The following HS6ST3 variants were observed in gnomAD, a reference collection of about 807,000 sequenced individuals.
The protein encoded by HS6ST3 is heparan sulfate 6-O-sulfotransferase 3.
HS6ST3 carries 12 observed loss-of-function variants against 36.7 expected under a neutral mutation model. The ratio of observed to expected loss-of-function variants is 0.33; its 90% CI spans 0.21 to 0.53. HS6ST3 has a LOEUF of 0.53. Ranked by LOEUF, HS6ST3 falls within the 20% of genes least tolerant of loss-of-function variation. The pLI is 0.95. For missense variants in HS6ST3, 584 were observed against 640.9 expected (o/e 0.91, Z 0.96); for synonymous variants, 240 against 257.5 (o/e 0.93, Z 0.65).
chr13:96,430,291 C>A (rs2139474049), intron 1 of HS6ST3, among the ~76,000 whole-genome samples: 1 of 152,316 alleles, frequency 6.6e-6, no homozygotes, highest in East Asian at 1.9e-4. Flanking sequence ...TTGGGGAATA[C>A]AAATGATGTC....
intron 1 of HS6ST3, among the ~76,000 whole-genome samples, chr13:96,707,732 A>G (rs1244861155): frequency 6.6e-6 from 1 of 152,186 alleles, no homozygotes; most frequent in Non-Finnish European, 1.5e-5. Flanking sequence ...CAGCTCATAT[A>G]AAGATGCCCT....
At chr13:96,799,540 C>T (rs1463531693) in intron 1 of HS6ST3, among the ~76,000 whole-genome samples, 1 of 150,724 alleles carries the variant, frequency 6.6e-6, no homozygotes, top group South Asian at 2.1e-4. Flanking sequence ...AACAAAAAAC[C>T]AAACACCGCA....
At chr13:96,799,714 T>A (rs1379677303) in intron 1 of HS6ST3, among the ~76,000 whole-genome samples, 1 of 150,926 alleles carries the variant, frequency 6.6e-6, no homozygotes, top group African/African-American at 2.4e-5. Context: ...CGCACCAGCA[T>A]GGCACATGTA....
intron 1 of HS6ST3, among the ~76,000 whole-genome samples, chr13:96,343,139 C>G (rs1234704819): frequency 6.6e-6 from 1 of 152,120 alleles, no homozygotes; most frequent in African/African-American, 2.4e-5. Flanking sequence ...CTTTTTCTGC[C>G]AGAGCACTTG....
chr13:96,188,879 A>G (rs1046670500), intron 1 of HS6ST3, among the ~76,000 whole-genome samples: 1 of 152,212 alleles, frequency 6.6e-6, no homozygotes, highest in Non-Finnish European at 1.5e-5. Flanking sequence ...ATGCTGGTAT[A>G]CAAGCTTTTT....
At chr13:96,195,888 G>A (rs1291146129) in intron 1 of HS6ST3, among the ~76,000 whole-genome samples, 1 of 152,094 alleles carries the variant, frequency 6.6e-6, no homozygotes, top group Non-Finnish European at 1.5e-5. Context: ...AGCACCCAGA[G>A]CATCTTGAAC....
intron 1 of HS6ST3, among the ~76,000 whole-genome samples, chr13:96,440,507 A>AGGAAAGGAAGGGAAAGGAAAGGAAG (rs139479560): frequency 6.9e-6 from 1 of 144,234 alleles, no homozygotes; most frequent in Non-Finnish European, 1.5e-5. Flanking sequence ...AGGAAAGGAA[A>AGGAAAGGAAGGGAAAGGAAAGGAAG]GGAAAGGAAA....
chr13:96,425,057 A>C (rs2055579806), intron 1 of HS6ST3, among the ~76,000 whole-genome samples: 1 of 152,194 alleles, frequency 6.6e-6, no homozygotes, highest in African/African-American at 2.4e-5. Flanking sequence ...GAGAGGGGTA[A>C]GTATGACTAC....
intron 1 of HS6ST3, among the ~76,000 whole-genome samples, chr13:96,337,750 TCC>T (rs1402594337): frequency 6.6e-6 from 1 of 152,112 alleles, no homozygotes; most frequent in Admixed American, 6.5e-5. Flanking sequence ...ATAATTTCTC[TCC>T]CTCTATTTTC....
intron 1 of HS6ST3, among the ~76,000 whole-genome samples, chr13:96,136,537 A>G (rs1346589554): frequency 6.6e-6 from 1 of 152,108 alleles, no homozygotes; most frequent in Non-Finnish European, 1.5e-5. Flanking sequence ...GTGTTAAACC[A>G]TTTATGAGAA....
chr13:96,614,545 T>A (rs1427727333), intron 1 of HS6ST3, among the ~76,000 whole-genome samples: 2 of 152,056 alleles, frequency 1.3e-5, no homozygotes, highest in Non-Finnish European at 2.9e-5. Context: ...AAAGCATAAA[T>A]AATAGAAGCA....
chr13:96,145,568 AGTAGGTTG>A (rs1262312768), intron 1 of HS6ST3, among the ~76,000 whole-genome samples: 3 of 151,926 alleles, frequency 2.0e-5, no homozygotes, highest in African/African-American at 7.3e-5. Context: ...TTGTCAGATG[AGTAGGTTG>A]CAAAAATTTT....
chr13:96,662,515 GGTGTGTGTGT>G lies in HS6ST3; in HGVS notation c.708-169952_708-169943del, dbSNP rs144795600. Among the ~76,000 whole-genome samples, 8 of 147,864 alleles carry G rather than the reference GGTGTGTGTGT, an allele frequency of 5.4e-5. 1 individual carries two copies. Among genetic ancestry groups the G allele is most frequent in the South Asian group, 2.2e-4 (1 of 4,628 alleles). ...ATCATGTTTGTGTGTGTGTGTATGGGGTGTGTGTGTGTGTGTGTGTGTGTGTGTGTGTTGG... is the reference window on the plus strand; with the variant it reads ...ATCATGTTTGTGTGTGTGTGTATGGGGTGTGTGTGTGTGTGTGTGTGTTGG... On this transcript the variant is annotated intron_variant, in intron 1 of 1. Transcript: ENST00000376705.
At chr13:96,396,569 C>T (rs987679787) in intron 1 of HS6ST3, among the ~76,000 whole-genome samples, 1 of 152,062 alleles carries the variant, frequency 6.6e-6, no homozygotes, top group Admixed American at 6.6e-5. Flanking sequence ...TTCACTTGGG[C>T]TATGTGGTAT....
intron 1 of HS6ST3, among the ~76,000 whole-genome samples, chr13:96,482,738 G>T (rs1275911883): frequency 6.6e-6 from 1 of 152,122 alleles, no homozygotes; most frequent in Non-Finnish European, 1.5e-5. Flanking sequence ...TCTACGGAAG[G>T]GTGCAAAACT....
chr13:96,688,463 G>C (rs1874850126), intron 1 of HS6ST3, among the ~76,000 whole-genome samples: 1 of 152,002 alleles, frequency 6.6e-6, no homozygotes, highest in Non-Finnish European at 1.5e-5. Context: ...AAGAATGAAA[G>C]ATGCAGGGTG....
intron 1 of HS6ST3, among the ~76,000 whole-genome samples, chr13:96,510,853 G>T (rs2056046943): frequency 6.6e-6 from 1 of 152,090 alleles, no homozygotes; most frequent in East Asian, 1.9e-4. Flanking sequence ...TGTAAAACAT[G>T]TAGTGTTGTT....
chr13:96,200,730 A>G (rs2139351333), intron 1 of HS6ST3, among the ~76,000 whole-genome samples: 1 of 152,332 alleles, frequency 6.6e-6, no homozygotes, highest in Non-Finnish European at 1.5e-5. Flanking sequence ...GGTACCTAGA[A>G]CAATGCCCAG....
At chr13:96,321,933 C>T (rs2055004906) in intron 1 of HS6ST3, among the ~76,000 whole-genome samples, 1 of 152,090 alleles carries the variant, frequency 6.6e-6, no homozygotes, top group Admixed American at 6.5e-5. Flanking sequence ...TCATACATTC[C>T]CCACCAAACT....
Sources: allele counts gnomAD v4.1 joint callset (sites outside exome capture counted in the v4.1 genomes callset), GRCh38; gene constraint gnomAD v4.1.1; transcripts MANE v1.5; gene names NCBI Gene and HGNC (gene_info 2026-07-23, HGNC 2026-07-21).